The following DLGAP3 variants were observed in gnomAD, a reference collection of about 807,000 sequenced individuals.
DLGAP3 encodes disks large-associated protein 3.
In DLGAP3, 17 loss-of-function variants were observed where a neutral mutation model predicts 81.2. That is an observed-to-expected ratio of 0.21 (90% CI 0.14 to 0.31). The LOEUF (loss-of-function observed/expected upper bound fraction) is 0.31. Ranked by LOEUF, DLGAP3 falls within the 10% of genes least tolerant of loss-of-function variation. The probability of loss-of-function intolerance (pLI) is 1.00; values close to 1 mark genes in which losing one functional copy is unlikely to be tolerated. For missense variants in DLGAP3, 1,124 were observed against 1,388.0 expected (o/e 0.81, Z 3.02); for synonymous variants, 577 against 587.4 (o/e 0.98, Z 0.26).
chr1:34,912,527 T>C (rs552348891), intron 1 of DLGAP3, among the ~76,000 whole-genome samples: 2 of 152,224 alleles, frequency 1.3e-5, no homozygotes, highest in Non-Finnish European at 2.9e-5. Context: ...TTAAGAGTTG[T>C]TCCCTTGTGA....
chr1:34,905,233 T>C lies in DLGAP3; in HGVS notation c.151A>G (p.Arg51Gly). The change falls in exon 3 of 12, where the codon AGA (arginine) becomes GGA (glycine). Residue 51 changes from arginine (R) to glycine (G), a missense_variant. Coordinates refer to ENST00000373347, the MANE Select transcript of DLGAP3 (RefSeq NM_001080418.3). ...FSTEPRFCAP[R>G]AGLGHISPEG... Reference sequence around the variant, plus strand: ...GGAGAAATGTGTCCCAGGCCAGCTCTCGGGGCACAGAAGCGGGGCTCGGTG... The same window carrying C: ...GGAGAAATGTGTCCCAGGCCAGCTCCCGGGGCACAGAAGCGGGGCTCGGTG... 1 of 1,533,372 alleles carries C rather than the reference T, an allele frequency of 6.5e-7. No homozygotes were observed. The highest frequency in any genetic ancestry group is 8.8e-7 in the Non-Finnish European group (1 of 1,135,132). The allele number at this position is 1,533,372 out of a possible 1,614,324, so 95.0% of individuals were successfully genotyped here. A position where few individuals can be genotyped will look rare whatever the true frequency, so the allele number is the denominator to read the frequency against.
chr1:34,894,367 C>T (rs556374316), intron 5 of DLGAP3, among the ~76,000 whole-genome samples: 1 of 150,996 alleles, frequency 6.6e-6, no homozygotes, highest in Non-Finnish European at 1.5e-5. Context: ...ATATACTATG[C>T]AAACTATACC....
At chr1:34,901,156 G>A (rs1201804843) in intron 3 of DLGAP3, among the ~76,000 whole-genome samples, 2 of 152,118 alleles carry the variant, frequency 1.3e-5, no homozygotes, top group African/African-American at 4.8e-5. Context: ...TGGGGAGATC[G>A]GGGCTGGAGG....
In DLGAP3 at chr1:34,899,537, G is replaced by T. The variant is rs914992829; in HGVS notation, c.1386+132C>A. On this transcript the variant is annotated intron_variant, in intron 5 of 11. Coordinates refer to ENST00000373347, the MANE Select transcript of DLGAP3 (RefSeq NM_001080418.3). The stretch of plus-strand genomic sequence containing the variant: ...GTCAGCTCCAGGAGTCCTAAGGCAG[G>T]TTTCCCAGTTTCCCCAGAGCCAGGC... The T allele has an allele frequency of 3.6e-6, 3 of 842,422 alleles. No homozygotes were observed. The South Asian group carries it at 4.0e-5, about 11-fold the overall frequency. The allele number at this position is 842,422 out of a possible 1,614,324, so 52.2% of individuals were successfully genotyped here. A position where few individuals can be genotyped will look rare whatever the true frequency, so the allele number is the denominator to read the frequency against.
intron 5 of DLGAP3, among the ~76,000 whole-genome samples, chr1:34,890,461 T>G (rs940436130): frequency 1.3e-5 from 2 of 152,248 alleles, no homozygotes; most frequent in African/African-American, 4.8e-5. Context: ...ATTGGCCCAC[T>G]TCTAATGAAT....
chr1:34,913,765 C>T (rs1212123138), intron 1 of DLGAP3, among the ~76,000 whole-genome samples: 1 of 152,164 alleles, frequency 6.6e-6, no homozygotes, highest in Non-Finnish European at 1.5e-5. Flanking sequence ...CACTCTGCTC[C>T]TATGTACAAC....
chr1:34,888,715 A>G (rs1367423744), intron 5 of DLGAP3, among the ~76,000 whole-genome samples: 4 of 150,360 alleles, frequency 2.7e-5, no homozygotes, highest in African/African-American at 7.3e-5. Context: ...TTTGACTGAC[A>G]CAAGCCACAC....
In DLGAP3 at chr1:34,900,804, C is replaced by T. The variant is rs12081272; in HGVS notation, c.1108-531G>A. ...AGGAGCAGGGCAGAGGCTCAAGTGG[C>T]GAGAGGACGACCAATTAGGAGGCTG... is the stretch of plus-strand genomic sequence containing the variant. On this transcript the variant is annotated intron_variant, in intron 3 of 11. Transcript: ENST00000373347. This position sits in a 1 kb window ranked among gnomAD's most constrained non-coding sequence, Gnocchi z 5.6. 1.1e-4 allele frequency among the ~76,000 whole-genome samples: 16 copies of T among 152,118 alleles called. No individual in the cohort carries two copies. The East Asian group carries it at 1.9e-3, about 18-fold the overall frequency.
intron 11 of DLGAP3, among the ~76,000 whole-genome samples, chr1:34,866,790 C>CA (rs1031106454): frequency 9.2e-5 from 14 of 152,108 alleles, no homozygotes; most frequent in East Asian, 7.8e-4. Flanking sequence ...CGCCACCCCC[C>CA]CAACCCCGCT....
chr1:34,885,568 G>A lies in DLGAP3; in HGVS notation c.1824C>T (p.Pro608=). ...APVPPRASPK[P]PTLIIKTIPG... Reference sequence around the variant, plus strand: ...GGATGGTCTTGATGATGAGTGTGGGGGGCTTGGGGCTGGCCCGGGGCGGCA... The same window carrying A: ...GGATGGTCTTGATGATGAGTGTGGGAGGCTTGGGGCTGGCCCGGGGCGGCA... The change falls in exon 7 of 12, where the codon CCC becomes CCT. Residue 608 remains proline (P), a synonymous_variant. Transcript: ENST00000373347. 3 of 1,605,740 alleles carry A rather than the reference G, an allele frequency of 1.9e-6. No homozygotes were observed. The highest frequency in any genetic ancestry group is 2.5e-6 in the Non-Finnish European group (3 of 1,179,200).
chr1:34,924,258 T>G (rs1356060288), intron 1 of DLGAP3, among the ~76,000 whole-genome samples: 5 of 152,110 alleles, frequency 3.3e-5, no homozygotes, highest in Non-Finnish European at 7.4e-5. Context: ...TTTGAATATT[T>G]TTTACTCCCC....
intron 1 of DLGAP3, among the ~76,000 whole-genome samples, chr1:34,907,784 G>T (rs1639578733): frequency 6.6e-6 from 1 of 152,150 alleles, no homozygotes; most frequent in African/African-American, 2.4e-5. Flanking sequence ...AAGCAAGAGA[G>T]TGAGAAGTGT....
At chr1:34,921,945 A>G (rs182362016) in intron 1 of DLGAP3, among the ~76,000 whole-genome samples, 18 of 152,346 alleles carry the variant, frequency 1.2e-4, no homozygotes, top group Admixed American at 1.2e-3. Flanking sequence ...TGGCACAGAC[A>G]AGTAATATGC....
chr1:34,880,836 A>C lies in DLGAP3; in HGVS notation c.2000+4142T>G, dbSNP rs182537214. On this transcript the variant is annotated intron_variant, in intron 8 of 11. Transcript: ENST00000373347. ...ATGTTTCTTTTTTAAATAAAATATAAATCACCAAAATGATTCAAGAAAAAA... is the reference window on the plus strand; with the variant it reads ...ATGTTTCTTTTTTAAATAAAATATACATCACCAAAATGATTCAAGAAAAAA... Among the ~76,000 whole-genome samples the C allele has an allele frequency of 9.1e-3, 1,392 of 152,318 alleles. 9 individuals are homozygous for C. Among genetic ancestry groups the C allele is most frequent in the Non-Finnish European group, 0.014 (971 of 68,030 alleles).
chr1:34,925,208 T>C (rs1639853316), intron 1 of DLGAP3, among the ~76,000 whole-genome samples: 3 of 147,788 alleles, frequency 2.0e-5, no homozygotes, highest in Non-Finnish European at 4.5e-5. Context: ...TCCCTCTATG[T>C]CCCAAGAGAG....
chr1:34,883,396 G>A (rs979358769), intron 8 of DLGAP3, among the ~76,000 whole-genome samples: 1 of 152,222 alleles, frequency 6.6e-6, no homozygotes, highest in Non-Finnish European at 1.5e-5. Flanking sequence ...TTATTAGGAG[G>A]AATGTGGGGA....
chr1:34,914,000 A>T (rs1175378881), intron 1 of DLGAP3, among the ~76,000 whole-genome samples: 2 of 152,022 alleles, frequency 1.3e-5, no homozygotes, highest in Non-Finnish European at 2.9e-5. Flanking sequence ...AGGGAGAATA[A>T]GAAGGAAAAA....
intron 1 of DLGAP3, among the ~76,000 whole-genome samples, chr1:34,922,921 C>T (rs1639816649): frequency 6.6e-6 from 1 of 152,128 alleles, no homozygotes. Flanking sequence ...CTGGACACAT[C>T]CCATTCCCAC....
intron 8 of DLGAP3, among the ~76,000 whole-genome samples, chr1:34,880,277 C>T (rs990018133): frequency 6.6e-6 from 1 of 152,182 alleles, no homozygotes; most frequent in Non-Finnish European, 1.5e-5. Flanking sequence ...TCATCTTGAA[C>T]TCCTGATCTC....
Sources: allele counts gnomAD v4.1 joint callset (sites outside exome capture counted in the v4.1 genomes callset), GRCh38; gene constraint gnomAD v4.1.1; non-coding constraint Gnocchi (gnomAD v3.1); transcripts MANE v1.5; gene names NCBI Gene and HGNC (gene_info 2026-07-23, HGNC 2026-07-21).